Variants in OPA1 observed in about 807,000 individuals in gnomAD.
The protein encoded by OPA1 is OPA1 mitochondrial dynamin like GTPase.
In OPA1, 59 loss-of-function variants were observed where a neutral mutation model predicts 152.9. The observed-to-expected ratio is 0.39, with a 90% CI of 0.31 to 0.48. The LOEUF is 0.48. Among genes scored for constraint, OPA1 ranks in the 20% least tolerant of loss-of-function variants. OPA1 has a pLI of 0.96. For missense variants in OPA1, 1,008 were observed against 1,216.8 expected (o/e 0.83, Z 2.55); for synonymous variants, 400 against 389.9 (o/e 1.03, Z -0.31).
chr3:193,679,556 A>G (rs1309491328), intron 29 of OPA1, among the ~76,000 whole-genome samples: 1 of 152,182 alleles, frequency 6.6e-6, no homozygotes, highest in Non-Finnish European at 1.5e-5. Flanking sequence ...GTAAATATTT[A>G]TGGCAAAGCT....
rs767488490 is a variant in OPA1 at position 193,648,878 on chromosome 3, A to G, written c.2012+7A>G. 16 of 1,545,658 alleles carry G rather than the reference A, an allele frequency of 1.0e-5. No individual in the cohort carries two copies. Among genetic ancestry groups the G allele is most frequent in the South Asian group, 8.9e-5 (8 of 89,740 alleles). Reference sequence around the variant, plus strand: ...AGGTTACACCAAAACATTGGTAAGTATTTGATATTAATCTCTTTTCTGAAA... The same window carrying G: ...AGGTTACACCAAAACATTGGTAAGTGTTTGATATTAATCTCTTTTCTGAAA... On this transcript the variant is annotated splice_region_variant and intron_variant, in intron 21 of 30. Coordinates refer to ENST00000361510, the MANE Select transcript of OPA1 (RefSeq NM_130837.3).
chr3:193,635,443 G>T lies in OPA1; in HGVS notation c.869G>T (p.Arg290Leu). 2 of 1,604,628 alleles carry T rather than the reference G, an allele frequency of 1.2e-6. No homozygotes were observed. The highest frequency in any genetic ancestry group is 1.1e-5 in the South Asian group (1 of 90,814). ...TQLKYQRILE[R>L]LEKENKELRK... is the part of the protein sequence containing the mutation. The stretch of plus-strand genomic sequence containing the variant: ...TTGAAGTATCAGAGAATCTTGGAAC[G>T]ATTAGAAAAGGAGAACAAAGAATTG... Residue 290 changes from arginine to leucine, a missense_variant, in exon 9 of 31, where the codon CGA becomes CTA. Physicochemically the swap from Arg to Leu is moderately radical, Grantham distance 102. This residue lies in a region of OPA1 where 408 missense variants were observed against 395.1 expected (regional missense o/e 1.03). Coordinates refer to ENST00000361510, the MANE Select transcript of OPA1 (RefSeq NM_130837.3).
intron 23 of OPA1, among the ~76,000 whole-genome samples, chr3:193,658,018 G>A (rs1390678241): frequency 2.0e-5 from 3 of 152,144 alleles, no homozygotes; most frequent in Non-Finnish European, 4.4e-5. Context: ...GGCCGAGGTG[G>A]GTGGATCACC....
chr3:193,689,441 G>A (rs533836732), intron 29 of OPA1, among the ~76,000 whole-genome samples: 74 of 152,046 alleles, frequency 4.9e-4, no homozygotes, highest in African/African-American at 1.7e-3. Flanking sequence ...AGGGAAATTC[G>A]GCATTTTTTC....
At chr3:193,684,920 T>A (rs1005445869) in intron 29 of OPA1, among the ~76,000 whole-genome samples, 2 of 152,138 alleles carry the variant, frequency 1.3e-5, no homozygotes, top group African/African-American at 4.8e-5. Context: ...TTAAAATATG[T>A]AGAAAGTATT....
intron 30 of OPA1, among the ~76,000 whole-genome samples, chr3:193,693,456 A>G (rs1334134445): frequency 2.0e-5 from 3 of 152,182 alleles, no homozygotes; most frequent in African/African-American, 7.2e-5. Context: ...CCTGACCAAC[A>G]TGGTGAAACC....
At chr3:193,618,546 T>G in intron 5 of OPA1, 1 of 266,164 alleles carries the variant, frequency 3.8e-6, no homozygotes, top group Non-Finnish European at 7.2e-6. Flanking sequence ...GTAATGCCAG[T>G]GGTATGTGGC....
intron 6 of OPA1, 65 bp downstream of exon 6, chr3:193,619,001 T>G (rs1729544564): frequency 8.0e-7 from 1 of 1,256,270 alleles, no homozygotes; most frequent in African/African-American, 1.5e-5. Context: ...TTTTACTTCT[T>G]TGGAAGATTT....
chr3:193,606,494 C>T (rs1219278753), intron 1 of OPA1, among the ~76,000 whole-genome samples: 3 of 151,012 alleles, frequency 2.0e-5, no homozygotes, highest in South Asian at 2.1e-4. Flanking sequence ...TCAGTTCCCA[C>T]CTACGAGTGA....
chr3:193,607,480 T>G (rs563464815), intron 1 of OPA1, among the ~76,000 whole-genome samples: 2 of 152,356 alleles, frequency 1.3e-5, no homozygotes, highest in African/African-American at 4.8e-5. Flanking sequence ...GCTTTCTACA[T>G]ATGGCTAGCC....
chr3:193,696,384 ATTTC>A lies in OPA1; in HGVS notation c.*1788_*1791del, dbSNP rs1391044928. 6.6e-6 allele frequency: 1 copy of A among 152,338 alleles called. No homozygotes were observed. The highest frequency in any genetic ancestry group is 1.9e-4 in the East Asian group (1 of 5,184). 9.4% of individuals were successfully genotyped at this position (152,338 alleles called of 1,614,324 possible). A position where few individuals can be genotyped will look rare whatever the true frequency, so the allele number is the denominator to read the frequency against. The stretch of plus-strand genomic sequence containing the variant: ...TAAAAAGAGATGGAGGGAGATCTTC[ATTTC>A]TTTGAGGAGATCAGTATTGTAACGT... On this transcript the variant is annotated 3_prime_UTR_variant, in exon 31 of 31. Coordinates refer to ENST00000361510, the MANE Select transcript of OPA1 (RefSeq NM_130837.3).
chr3:193,688,707 T>TAACATAC (rs1721280998), intron 29 of OPA1, among the ~76,000 whole-genome samples: 1 of 152,112 alleles, frequency 6.6e-6, no homozygotes, highest in Non-Finnish European at 1.5e-5. Context: ...AGACTGGGTG[T>TAACATAC]AGTAGCTCAC....
chr3:193,629,581 TC>T (rs1420791415), intron 7 of OPA1, among the ~76,000 whole-genome samples: 2 of 151,868 alleles, frequency 1.3e-5, no homozygotes, highest in East Asian at 3.9e-4. Context: ...GCACCTGTAG[TC>T]CCAGCTACTT....
At position 193,628,016 on chromosome 3, in the gene OPA1, G is replaced by A. The variant is rs536870657; in HGVS notation, c.789+1814G>A. Among the ~76,000 whole-genome samples, 16 of 152,036 alleles carry A rather than the reference G, an allele frequency of 1.1e-4. No individual in the cohort carries two copies. In the East Asian group the frequency reaches 2.5e-3, roughly 24 times the overall value. ...GTGAAATTATCCCTCTTACTATCCC[G>A]AAAGACTGTTACCTTACAATATCCT... On this transcript the variant is annotated intron_variant, in intron 7 of 30. Transcript: ENST00000361510.
At position 193,648,846 on chromosome 3, in the gene OPA1, C is replaced by T. The variant is rs368985726; in HGVS notation, c.1987C>T (p.Leu663=). Residue 663 remains leucine (L), a synonymous_variant, in exon 21 of 31, where the codon CTG becomes TTG. Transcript: ENST00000361510. ...KNEILDEVIS[L]SQVTPKHWEE... is the part of the protein sequence containing the mutation. ...TGAAATCCTTGATGAAGTTATCAGT[C>T]TGAGCCAGGTTACACCAAAACATTG... 6.2e-7 allele frequency: 1 copy of T among 1,608,960 alleles called. No individual in the cohort carries two copies. The highest frequency in any genetic ancestry group is 8.5e-7 in the Non-Finnish European group (1 of 1,175,676).
intron 6 of OPA1, among the ~76,000 whole-genome samples, chr3:193,623,202 G>T (rs573425867): frequency 6.6e-6 from 1 of 152,104 alleles, no homozygotes; most frequent in East Asian, 1.9e-4. Context: ...TTTTTGTAAG[G>T]CCAATAACTC....
chr3:193,646,791 A>C (rs1486128483), intron 18 of OPA1, among the ~76,000 whole-genome samples: 1 of 152,148 alleles, frequency 6.6e-6, no homozygotes, highest in Non-Finnish European at 1.5e-5. Context: ...AATAAAATAA[A>C]ATATAACATT....
chr3:193,598,832 T>G (rs958123531), intron 1 of OPA1, among the ~76,000 whole-genome samples: 3 of 152,220 alleles, frequency 2.0e-5, no homozygotes, highest in African/African-American at 7.2e-5. Context: ...TAGTAAGCAG[T>G]GGAAATGTGA....
intron 25 of OPA1, among the ~76,000 whole-genome samples, chr3:193,661,632 T>C (rs1011182711): frequency 2.6e-5 from 4 of 152,216 alleles, no homozygotes; most frequent in African/African-American, 9.6e-5. Flanking sequence ...GTTTCTTTTG[T>C]TTTCTAGGAA....
Sources: gnomAD v4.1 joint callset for allele counts (sites outside exome capture counted in the v4.1 genomes callset) on GRCh38, gnomAD v4.1.1 for gene constraint, gnomAD v4.1.1 regional missense constraint, MANE v1.5 for transcripts, NCBI Gene and HGNC (gene_info 2026-07-23, HGNC 2026-07-21) for gene names.